Variants in WDR49 observed in about 807,000 individuals in gnomAD.
WDR49 encodes WD repeat domain 49.
WDR49 carries 107 observed loss-of-function variants against 119.5 expected under a neutral mutation model. The ratio of observed to expected loss-of-function variants is 0.90; its 90% CI spans 0.77 to 1.05. The LOEUF is 1.05. Among genes scored for constraint, WDR49 ranks in the 50% least tolerant of loss-of-function variants. The pLI is 0.00. For synonymous variants in WDR49, 425 were observed against 418.8 expected (o/e 1.01, Z -0.18); for missense variants, 1,240 against 1,220.5 (o/e 1.02, Z -0.24).
At chr3:167,614,520 A>G (rs1273739964) in intron 5 of WDR49, among the ~76,000 whole-genome samples, 1 of 152,204 alleles carries the variant, frequency 6.6e-6, no homozygotes, top group East Asian at 1.9e-4. Context: ...TCTTAGCACT[A>G]TTACACAAAA....
intron 8 of WDR49, among the ~76,000 whole-genome samples, chr3:167,571,644 T>C (rs1713945147): frequency 6.6e-6 from 1 of 152,148 alleles, no homozygotes; most frequent in Admixed American, 6.5e-5. Flanking sequence ...TATTCTAACA[T>C]ATTATTGAAT....
intron 10 of WDR49, among the ~76,000 whole-genome samples, chr3:167,542,061 T>TA (rs1394279256): frequency 1.3e-5 from 2 of 151,774 alleles, no homozygotes. Flanking sequence ...TATGATGATT[T>TA]AAAAAATCAG....
intron 7 of WDR49, among the ~76,000 whole-genome samples, chr3:167,580,622 TAA>T (rs747317539): frequency 1.3e-5 from 2 of 152,208 alleles, no homozygotes; most frequent in East Asian, 3.8e-4. Context: ...AGCTTAGCTT[TAA>T]ACCAGGTAAT....
intron 9 of WDR49, among the ~76,000 whole-genome samples, chr3:167,557,057 C>T (rs1712975234): frequency 6.6e-6 from 1 of 151,894 alleles, no homozygotes; most frequent in African/African-American, 2.4e-5. Context: ...ATTAGCCGAG[C>T]ATGGTGGTGC....
intron 5 of WDR49, among the ~76,000 whole-genome samples, chr3:167,605,569 C>A (rs1577271617): frequency 1.3e-5 from 2 of 152,106 alleles, no homozygotes; most frequent in South Asian, 4.2e-4. Context: ...CAATTAGAGA[C>A]AATTTTAGTA....
chr3:167,621,626 T>A lies in WDR49; in HGVS notation c.624A>T (p.Thr208=). The A allele has an allele frequency of 6.5e-7, 1 of 1,532,610 alleles. No homozygotes were observed. The highest frequency in any genetic ancestry group is 1.2e-5 in the South Asian group (1 of 83,298). The allele number at this position is 1,532,610 out of a possible 1,614,324, so 94.9% of individuals were successfully genotyped here. Residue 208 remains threonine, a synonymous_variant, in exon 4 of 19, where the codon ACA becomes ACT. Coordinates refer to ENST00000682715, the MANE Select transcript of WDR49 (RefSeq NM_001366157.1). ...GATCATAGAAACAAACCTCTTTACT[T>A]GTAAAAGCCACTGCTATCTAAAGTA... is the stretch of plus-strand genomic sequence containing the variant. ...ENVNKIAVAF[T]SKEVCFYDLL... is the part of the protein sequence containing the mutation.
At position 167,580,334 on chromosome 3, in the gene WDR49, G is replaced by A. The variant is rs147264024; in HGVS notation, c.1276-4183C>T. 2.5e-3 allele frequency among the ~76,000 whole-genome samples: 383 copies of A among 150,722 alleles called. 1 individual carries two copies. The highest frequency in any genetic ancestry group is 4.8e-3 in the Non-Finnish European group (325 of 67,330). On this transcript the variant is annotated intron_variant, in intron 7 of 18. Transcript: ENST00000682715. ...AGTACAGCCATAAAAGCATAAAATG[G>A]GTGACGGTATATGACCTCCCTTATG...
At chr3:167,494,259 A>G (rs939221848) in intron 18 of WDR49, among the ~76,000 whole-genome samples, 2 of 152,202 alleles carry the variant, frequency 1.3e-5, no homozygotes, top group African/African-American at 4.8e-5. Flanking sequence ...TCAAAAGCAG[A>G]GAGCTGACTG....
At chr3:167,535,327 T>A (rs1352968986) in intron 11 of WDR49, among the ~76,000 whole-genome samples, 2 of 152,068 alleles carry the variant, frequency 1.3e-5, no homozygotes, top group Admixed American at 1.3e-4. Context: ...GAGAAGATAG[T>A]TGCAAACTTT....
chr3:167,511,429 T>C (rs1751966355), intron 16 of WDR49, among the ~76,000 whole-genome samples: 1 of 152,198 alleles, frequency 6.6e-6, no homozygotes, highest in South Asian at 2.1e-4. Context: ...GCCTATATAA[T>C]CTTATAATCA....
At chr3:167,488,433 A>G (rs764520796) in intron 18 of WDR49, among the ~76,000 whole-genome samples, 7 of 152,074 alleles carry the variant, frequency 4.6e-5, no homozygotes, top group Non-Finnish European at 1.0e-4. Context: ...AAAACTACCT[A>G]TTGGGTACTA....
intron 7 of WDR49, among the ~76,000 whole-genome samples, chr3:167,582,543 A>G (rs1251924602): frequency 6.6e-6 from 1 of 152,146 alleles, no homozygotes; most frequent in African/African-American, 2.4e-5. Flanking sequence ...GAGAAGACAC[A>G]CAGCTCTAAG....
chr3:167,632,318 C>T (rs902761296), intron 2 of WDR49, among the ~76,000 whole-genome samples: 4 of 151,968 alleles, frequency 2.6e-5, no homozygotes, highest in African/African-American at 4.8e-5. Flanking sequence ...TTGTAAATGA[C>T]AAATTTTCTT....
chr3:167,657,539 C>T (rs543353215), upstream of WDR49, among the ~76,000 whole-genome samples: 2 of 150,616 alleles, frequency 1.3e-5, no homozygotes, highest in Admixed American at 6.6e-5. Context: ...TCTCCTCCCC[C>T]CCCACAATTT....
At chr3:167,496,165 A>G (rs1036581344) in intron 18 of WDR49, among the ~76,000 whole-genome samples, 1 of 152,180 alleles carries the variant, frequency 6.6e-6, no homozygotes, top group Admixed American at 6.5e-5. Flanking sequence ...TAAGAATAAT[A>G]CAAATAAATA....
At chr3:167,501,689 G>T (rs1207503266) in intron 17 of WDR49, among the ~76,000 whole-genome samples, 2 of 152,086 alleles carry the variant, frequency 1.3e-5, no homozygotes, top group Admixed American at 6.5e-5. Flanking sequence ...CTTCAGGAAG[G>T]ATTCTTATCT....
intron 18 of WDR49, among the ~76,000 whole-genome samples, chr3:167,499,710 C>T (rs1453536847): frequency 6.6e-6 from 1 of 152,238 alleles, no homozygotes. Flanking sequence ...CAGCCTACCA[C>T]TGCAGCTGGA....
At position 167,604,333 on chromosome 3, in the gene WDR49, G is replaced by T. The variant is rs369546615; in HGVS notation, c.1094C>A (p.Ala365Asp). The T allele has an allele frequency of 3.7e-6, 6 of 1,613,672 alleles. No homozygotes were observed. The highest frequency in any genetic ancestry group is 5.1e-6 in the Non-Finnish European group (6 of 1,179,840). Reference protein sequence around the residue: ...TSFNIAQGIHAFDYHSRLNLI... With the variant: ...TSFNIAQGIHDFDYHSRLNLI... ...ATTGAGCCGAGAGTGATAATCAAAAGCATGAATGCCCTGGGCAATGTTGAA... is the reference window on the plus strand; with the variant it reads ...ATTGAGCCGAGAGTGATAATCAAAATCATGAATGCCCTGGGCAATGTTGAA... The change falls in exon 6 of 19, where the codon GCT becomes GAT. Residue 365 changes from alanine to aspartate, a missense_variant. Transcript: ENST00000682715.
chr3:167,582,698 C>T (rs1005525570), intron 7 of WDR49, among the ~76,000 whole-genome samples: 2 of 152,096 alleles, frequency 1.3e-5, no homozygotes, highest in Non-Finnish European at 2.9e-5. Context: ...GTAGCTCACA[C>T]CAGCACTTTG....
Sources: allele counts gnomAD v4.1 joint callset (sites outside exome capture counted in the v4.1 genomes callset), GRCh38; gene constraint gnomAD v4.1.1; transcripts MANE v1.5; gene names NCBI Gene and HGNC (gene_info 2026-07-23, HGNC 2026-07-21).